PPP1R14C: variants seen among roughly 807,000 people sequenced by gnomAD.
PPP1R14C encodes protein phosphatase 1 regulatory subunit 14C.
PPP1R14C carries 16 observed loss-of-function variants against 20.4 expected under a neutral mutation model. The ratio of observed to expected loss-of-function variants is 0.78; its 90% CI spans 0.53 to 1.19. The LOEUF (loss-of-function observed/expected upper bound fraction) is 1.19. Ranked by LOEUF, PPP1R14C falls within the 50% of genes most tolerant of loss-of-function variation. PPP1R14C has a pLI of 0.00. For missense variants in PPP1R14C, 211 were observed against 220.1 expected (o/e 0.96, Z 0.26); for synonymous variants, 91 against 91.0 (o/e 1.00, Z 0.00).
chr6:150,224,256 T>A (rs1304270375), intron 3 of PPP1R14C, among the ~76,000 whole-genome samples: 1 of 152,232 alleles, frequency 6.6e-6, no homozygotes, highest in Admixed American at 6.5e-5. Flanking sequence ...TGGCTTCAAG[T>A]ATGTCTTGAG....
intron 3 of PPP1R14C, among the ~76,000 whole-genome samples, chr6:150,240,292 T>G (rs1485212741): frequency 1.3e-5 from 2 of 152,202 alleles, no homozygotes; most frequent in Non-Finnish European, 2.9e-5. Flanking sequence ...GGCCTGATAT[T>G]GTTACCAGTG....
chr6:150,205,778 T>A (rs1777940782), intron 1 of PPP1R14C, among the ~76,000 whole-genome samples: 1 of 142,038 alleles, frequency 7.0e-6, no homozygotes, highest in African/African-American at 2.7e-5. Flanking sequence ...GGCGACAGAA[T>A]GAGCCTCCGT....
chr6:150,149,537 A>ACGAAT (rs1777221508), intron 1 of PPP1R14C, among the ~76,000 whole-genome samples: 1 of 135,524 alleles, frequency 7.4e-6, no homozygotes, highest in Non-Finnish European at 1.5e-5. Flanking sequence ...GGCTTAAGTG[A>ACGAAT]TCCGTCAGCC....
intron 1 of PPP1R14C, among the ~76,000 whole-genome samples, chr6:150,186,068 T>C (rs1777673312): frequency 6.6e-6 from 1 of 152,180 alleles, no homozygotes; most frequent in Non-Finnish European, 1.5e-5. Context: ...GTGCCTGGTC[T>C]TTGATGCTCC....
At chr6:150,148,749 C>T (rs899285331) in intron 1 of PPP1R14C, among the ~76,000 whole-genome samples, 2 of 152,182 alleles carry the variant, frequency 1.3e-5, no homozygotes, top group Non-Finnish European at 2.9e-5. Flanking sequence ...TAAACTCAAC[C>T]TGTCAACTAC....
chr6:150,155,612 C>A (rs552906211), intron 1 of PPP1R14C, among the ~76,000 whole-genome samples: 1 of 152,292 alleles, frequency 6.6e-6, no homozygotes, highest in East Asian at 1.9e-4. Flanking sequence ...CTGAGCAAAT[C>A]TTTTTTGTTT....
chr6:150,178,197 G>A (rs1478447325), intron 1 of PPP1R14C, among the ~76,000 whole-genome samples: 3 of 152,230 alleles, frequency 2.0e-5, no homozygotes, highest in Admixed American at 2.0e-4. Flanking sequence ...CGCCACCTCA[G>A]CAGGGTTTAC....
intron 3 of PPP1R14C, among the ~76,000 whole-genome samples, chr6:150,233,926 C>T (rs1410012480): frequency 1.3e-5 from 2 of 152,222 alleles, no homozygotes; most frequent in African/African-American, 4.8e-5. Context: ...CACATTCACT[C>T]ACACTGGAAC....
In PPP1R14C at chr6:150,143,572, C is replaced by A; in HGVS notation, c.306+74C>A. 2 of 1,128,658 alleles carry A rather than the reference C, an allele frequency of 1.8e-6. No individual in the cohort carries two copies. Among genetic ancestry groups the A allele is most frequent in the Non-Finnish European group, 2.5e-6 (2 of 800,180 alleles). 69.9% of individuals were successfully genotyped at this position (1,128,658 alleles called of 1,614,324 possible). On this transcript the variant is annotated intron_variant, in intron 1 of 3. Transcript: ENST00000361131. This position sits in a 1 kb window ranked among gnomAD's most constrained non-coding sequence, Gnocchi z 5.6. The stretch of plus-strand genomic sequence containing the variant: ...GTGCCCGCGCAGTAATTTTCCCGGG[C>A]TCCAGCTCCGGGGCGCGCATGTCCC...
Position 150,143,950 on chromosome 6 carries a change from G to A in PPP1R14C, c.306+452G>A, listed in dbSNP as rs1777153710. 6.6e-6 allele frequency among the ~76,000 whole-genome samples: 1 copy of A among 152,216 alleles called. No individual in the cohort carries two copies. Among genetic ancestry groups the A allele is most frequent in the Non-Finnish European group, 1.5e-5 (1 of 68,034 alleles). ...ATTTTTGTGGAGAACGAGCAGGGAAGGAAGGAAGCTGCCTCGTGGAAAGGA... is the reference window on the plus strand; with the variant it reads ...ATTTTTGTGGAGAACGAGCAGGGAAAGAAGGAAGCTGCCTCGTGGAAAGGA... On this transcript the variant is annotated intron_variant, in intron 1 of 3. Coordinates refer to ENST00000361131, the MANE Select transcript of PPP1R14C (RefSeq NM_030949.3). The surrounding 1 kb of genome is among the most constrained non-coding windows in gnomAD (Gnocchi z 5.6).
intron 1 of PPP1R14C, among the ~76,000 whole-genome samples, chr6:150,203,307 A>C (rs1178717704): frequency 6.6e-6 from 1 of 152,228 alleles, no homozygotes; most frequent in Non-Finnish European, 1.5e-5. Flanking sequence ...AGTTGGAATC[A>C]TGCGTATGGC....
intron 1 of PPP1R14C, chr6:150,194,621 A>G (rs977030834): frequency 4.1e-6 from 4 of 984,014 alleles, no homozygotes; most frequent in Non-Finnish European, 4.8e-6. Flanking sequence ...CATTTTATTA[A>G]ACCACCTTGG....
chr6:150,169,181 T>C (rs1422987548), intron 1 of PPP1R14C, among the ~76,000 whole-genome samples: 1 of 152,206 alleles, frequency 6.6e-6, no homozygotes, highest in Non-Finnish European at 1.5e-5. Flanking sequence ...CCAGCCTCAA[T>C]ATAAAATTAT....
chr6:150,181,251 A>C (rs1249143704), intron 1 of PPP1R14C, among the ~76,000 whole-genome samples: 1 of 151,958 alleles, frequency 6.6e-6, no homozygotes, highest in East Asian at 1.9e-4. Flanking sequence ...ATCTCATCTC[A>C]CTGCAACCTC....
chr6:150,165,308 A>C lies in PPP1R14C; in HGVS notation c.306+21810A>C, dbSNP rs143950992. ...GACAGGTCTGAACTTGCCTTTAGGC[A>C]AGAGTTTTAAAATATCTGGGCTCCC... On this transcript the variant is annotated intron_variant, in intron 1 of 3. Transcript: ENST00000361131. Among the ~76,000 whole-genome samples the C allele has an allele frequency of 5.0e-3, 764 of 152,360 alleles. 5 individuals are homozygous for C. Among genetic ancestry groups the C allele is most frequent in the African/African-American group, 0.018 (731 of 41,586 alleles).
chr6:150,186,652 AAC>A (rs1351605496), intron 1 of PPP1R14C, among the ~76,000 whole-genome samples: 1 of 152,156 alleles, frequency 6.6e-6, no homozygotes, highest in African/African-American at 2.4e-5. Flanking sequence ...GAAGCCAACC[AAC>A]AGTGTTTGCT....
intron 3 of PPP1R14C, among the ~76,000 whole-genome samples, chr6:150,226,532 G>T (rs906192978): frequency 2.0e-5 from 3 of 152,078 alleles, no homozygotes; most frequent in Admixed American, 2.0e-4. Context: ...AACCTCCATT[G>T]TACTGGGAGG....
intron 1 of PPP1R14C, among the ~76,000 whole-genome samples, chr6:150,158,523 T>C (rs1278814763): frequency 6.6e-6 from 1 of 152,224 alleles, no homozygotes; most frequent in Non-Finnish European, 1.5e-5. Context: ...TAACATGTAT[T>C]CTAGGTAAAA....
intron 1 of PPP1R14C, among the ~76,000 whole-genome samples, chr6:150,174,462 C>T (rs531344187): frequency 1.0e-3 from 159 of 151,860 alleles, no homozygotes; most frequent in Non-Finnish European, 1.4e-3. Flanking sequence ...GTGATCCGCC[C>T]ACCTTGGCCT....
Sources: gnomAD v4.1 joint callset for allele counts (sites outside exome capture counted in the v4.1 genomes callset) on GRCh38, gnomAD v4.1.1 for gene constraint, Gnocchi (gnomAD v3.1) non-coding constraint, MANE v1.5 for transcripts, NCBI Gene and HGNC (gene_info 2026-07-23, HGNC 2026-07-21) for gene names.